Variants in KIF23 observed in about 807,000 individuals in gnomAD.
KIF23 encodes the protein kinesin-like protein KIF23.
KIF23 carries 30 observed loss-of-function variants against 137.5 expected under a neutral mutation model. The observed-to-expected ratio is 0.22, with a 90% CI of 0.16 to 0.30. KIF23 has a LOEUF of 0.30. KIF23 is among the 10% of genes least tolerant of loss of function. KIF23 has a pLI of 1.00. For synonymous variants in KIF23, 367 were observed against 391.1 expected (o/e 0.94, Z 0.73); for missense variants, 920 against 1,194.3 (o/e 0.77, Z 3.38).
chr15:69,439,766 A>G, intron 16 of KIF23, 138 bp from the exon 17 acceptor site: 4 of 518,014 alleles, frequency 7.7e-6, no homozygotes, highest in Middle Eastern at 5.2e-4. Context: ...TTCAGATGAA[A>G]TGTTAGAGAA....
intron 15 of KIF23, 40 bp downstream of exon 15, chr15:69,436,762 T>TA: frequency 8.2e-7 from 1 of 1,225,710 alleles, no homozygotes; most frequent in Admixed American, 3.3e-5. Context: ...ATTTAATTAT[T>TA]TTTTTTTTTT....
intron 22 of KIF23, chr15:69,446,609 T>C: frequency 3.2e-6 from 2 of 615,586 alleles, no homozygotes; most frequent in Non-Finnish European, 5.8e-6. Context: ...GAGGCTAAGC[T>C]ATGGCCTTAG....
chr15:69,445,553 A>AAG, intron 20 of KIF23, among the ~76,000 whole-genome samples: 1 of 151,322 alleles, frequency 6.6e-6, no homozygotes, highest in East Asian at 1.9e-4. Flanking sequence ...ATAAGACCAA[A>AAG]AAAAAAAAAA....
chr15:69,423,027 G>C, intron 6 of KIF23, 132 bp from the exon 7 acceptor site: 1 of 619,970 alleles, frequency 1.6e-6, no homozygotes, highest in East Asian at 3.1e-5. Context: ...TTGAGTTCCT[G>C]ATCTCAGGTG....
rs746048116 is a variant in KIF23, at chr15:69,446,312, C to A, written c.2786C>A (p.Ala929Glu). The A allele has an allele frequency of 5.6e-6, 9 of 1,614,130 alleles. No homozygotes were observed. The highest frequency in any genetic ancestry group is 7.6e-6 in the Non-Finnish European group (9 of 1,179,974). ...GSRKRRSSTV[A>E]PAQPDGAESE... The stretch of plus-strand genomic sequence containing the variant: ...CGAAAACGAAGATCTTCCACAGTAG[C>A]ACCTGCCCAACCAGATGGTGCAGAG... Residue 929 changes from alanine to glutamate, a missense_variant, in exon 22 of 24, where the codon GCA (alanine) becomes GAA (glutamate). Transcript: ENST00000679126.
intron 11 of KIF23, among the ~76,000 whole-genome samples, chr15:69,430,619 G>A (rs927528016): frequency 6.6e-6 from 1 of 152,220 alleles, no homozygotes; most frequent in Non-Finnish European, 1.5e-5. Context: ...CCAGGAGGCA[G>A]TTGCTTGGTC....
intron 13 of KIF23, among the ~76,000 whole-genome samples, 174 bp from the exon 14 acceptor site, chr15:69,435,964 T>C (rs571496856): frequency 1.3e-5 from 2 of 152,274 alleles, no homozygotes; most frequent in African/African-American, 4.8e-5. Context: ...GGACGATCAA[T>C]TGGGCCCACC....
At chr15:69,435,629 T>C in intron 12 of KIF23, 23 bp from the exon 13 acceptor site, 1 of 1,613,252 alleles carries the variant, frequency 6.2e-7, no homozygotes, top group Non-Finnish European at 8.5e-7. Context: ...GCGTAACACA[T>C]TTGGATATGA....
chr15:69,445,212 C>T (rs1300490733), intron 20 of KIF23, among the ~76,000 whole-genome samples, 171 bp downstream of exon 20: 3 of 152,152 alleles, frequency 2.0e-5, no homozygotes, highest in Non-Finnish European at 4.4e-5. Context: ...GGTTTTAAGT[C>T]TGCCAAACTG....
At chr15:69,428,548 T>G (rs923516552) in intron 10 of KIF23, among the ~76,000 whole-genome samples, 10 of 148,340 alleles carry the variant, frequency 6.7e-5, no homozygotes, top group Non-Finnish European at 1.0e-4. Context: ...TAATCCCAGT[T>G]ACTCGGAAGG....
At position 69,434,980 on chromosome 15, in the gene KIF23, A is replaced by G. The variant is rs557626918; in HGVS notation, c.1115-503A>G. On this transcript the variant is annotated intron_variant, in intron 11 of 23. Coordinates refer to ENST00000679126, the MANE Select transcript of KIF23 (RefSeq NM_001367805.3). ...GAGCCCTCAGGTGTGTAGGCCGTGG[A>G]CAGCTTCAGAAACAGCACGGACTCG... 38 of 629,760 alleles carry G rather than the reference A, an allele frequency of 6.0e-5. No homozygotes were observed. The East Asian group carries it at 8.1e-4, about 13-fold the overall frequency. 39.0% of individuals were successfully genotyped at this position (629,760 alleles called of 1,614,324 possible).
Position 69,426,190 on chromosome 15 carries a change from A to G in KIF23, c.889+8A>G, listed in dbSNP as rs766692858. The G allele has an allele frequency of 2.4e-5, 39 of 1,597,430 alleles. No homozygotes were observed. Among genetic ancestry groups the G allele is most frequent in the Non-Finnish European group, 3.0e-5 (35 of 1,171,226 alleles). On this transcript the variant is annotated splice_region_variant and intron_variant, in intron 9 of 23. Transcript: ENST00000679126. Reference sequence around the variant, plus strand: ...TTGAAGTTTTCTGGAGAGGTTAGAAACACCTAGAACTAGAAAAATACAGAA... The same window carrying G: ...TTGAAGTTTTCTGGAGAGGTTAGAAGCACCTAGAACTAGAAAAATACAGAA...
chr15:69,442,243 A>G (rs1168024864), intron 19 of KIF23, among the ~76,000 whole-genome samples: 1 of 152,188 alleles, frequency 6.6e-6, no homozygotes, highest in Non-Finnish European at 1.5e-5. Flanking sequence ...TCCATGCCCA[A>G]TAAATTGCTT....
At position 69,444,723 on chromosome 15, in the gene KIF23, T is replaced by C; in HGVS notation, c.2422-67T>C. The C allele has an allele frequency of 6.6e-7, 1 of 1,523,614 alleles. No individual in the cohort carries two copies. The allele number at this position is 1,523,614 out of a possible 1,614,324, so 94.4% of individuals were successfully genotyped here. On this transcript the variant is annotated intron_variant, in intron 19 of 23. Transcript: ENST00000679126. This position sits in a 1 kb window ranked among gnomAD's most constrained non-coding sequence, Gnocchi z 4.2. ...TTGCTATGATACTGTCATCAACTAA[T>C]GTAGCCAAACCTGCTGCACTTCTAA... is the stretch of plus-strand genomic sequence containing the variant.
chr15:69,443,157 T>C (rs943545935), intron 19 of KIF23, among the ~76,000 whole-genome samples: 5 of 152,146 alleles, frequency 3.3e-5, no homozygotes, highest in African/African-American at 1.2e-4. Flanking sequence ...GTATTGCCCA[T>C]GTCTTAGAGC....
intron 3 of KIF23, among the ~76,000 whole-genome samples, chr15:69,419,843 ACTT>A (rs1245045350): frequency 6.6e-6 from 1 of 151,434 alleles, no homozygotes; most frequent in Non-Finnish European, 1.5e-5. Flanking sequence ...ACTGAGTTTT[ACTT>A]CTTTAAGTAA....
intron 2 of KIF23, among the ~76,000 whole-genome samples, chr15:69,416,340 C>T (rs1393574728): frequency 2.6e-5 from 4 of 152,142 alleles, no homozygotes; most frequent in Admixed American, 6.6e-5. Context: ...AATTAAAAAT[C>T]TCCAACTGGG....
At chr15:69,422,479 G>T (rs1221020306) in intron 6 of KIF23, 44 bp downstream of exon 6, 6 of 1,113,510 alleles carry the variant, frequency 5.4e-6, no homozygotes, top group South Asian at 5.0e-5. Context: ...AGGGGCACAG[G>T]ATTCTTTCCT....
intron 21 of KIF23, 27 bp from the exon 22 acceptor site, chr15:69,446,256 T>A (rs1388039602): frequency 6.3e-7 from 1 of 1,597,324 alleles, no homozygotes; most frequent in African/African-American, 1.3e-5. Context: ...GAAAAATAAT[T>A]GTTGCATCAT....
Sources: allele counts gnomAD v4.1 joint callset (sites outside exome capture counted in the v4.1 genomes callset), GRCh38; gene constraint gnomAD v4.1.1; non-coding constraint Gnocchi (gnomAD v3.1); transcripts MANE v1.5; gene names NCBI Gene and HGNC (gene_info 2026-07-23, HGNC 2026-07-21).